Variants in NLRP9 observed in about 807,000 individuals in gnomAD.
NLRP9 encodes the protein NLR family pyrin domain containing 9.
In NLRP9, 88 loss-of-function variants were observed where a neutral mutation model predicts 83.1. The observed-to-expected ratio is 1.06, with a 90% CI of 0.89 to 1.26. The LOEUF is 1.26. NLRP9 is among the 50% of genes most tolerant of loss of function. The pLI, the probability that NLRP9 is intolerant of heterozygous loss-of-function variation, is 0.00. For synonymous variants in NLRP9, 521 were observed against 447.6 expected, an observed-to-expected ratio of 1.16 and a Z score of -2.07; for missense variants, 1,308 against 1,179.3, an observed-to-expected ratio of 1.11 and a Z score of -1.60.
At chr19:55,735,468 T>G (rs1988760857) in intron 1 of NLRP9, among the ~76,000 whole-genome samples, 1 of 151,970 alleles carries the variant, frequency 6.6e-6, no homozygotes, top group Admixed American at 6.6e-5. Context: ...AGAAAGGAAA[T>G]AAGGCCATTC....
chr19:55,734,409 G>A (rs947937312), intron 1 of NLRP9, among the ~76,000 whole-genome samples: 11 of 132,180 alleles, frequency 8.3e-5, no homozygotes, highest in Non-Finnish European at 1.3e-4. Flanking sequence ...TATATCAATT[G>A]TTTCTAAAAT....
rs866787898 is a variant in NLRP9 at position 55,734,400 on chromosome 19, A to G, written c.281-850T>C. On this transcript the variant is annotated intron_variant, in intron 1 of 8. Coordinates refer to ENST00000332836, the MANE Select transcript of NLRP9 (RefSeq NM_176820.4). Reference sequence around the variant, plus strand: ...AAAAAAAAAAAAAAAAAAAATTACTATATCAATTGTTTCTAAAATTGGTCT... The same window carrying G: ...AAAAAAAAAAAAAAAAAAAATTACTGTATCAATTGTTTCTAAAATTGGTCT... 1.4e-3 allele frequency among the ~76,000 whole-genome samples: 195 copies of G among 144,190 alleles called. 1 individual carries two copies. Among genetic ancestry groups the G allele is most frequent in the Middle Eastern group, 0.011 (3 of 278 alleles). 94.6% of individuals were successfully genotyped at this position (144,190 alleles called of 152,430 possible). A position where few individuals can be genotyped will look rare whatever the true frequency, so the allele number is the denominator to read the frequency against.
At chr19:55,724,981 C>T (rs1988355732) in intron 3 of NLRP9, among the ~76,000 whole-genome samples, 1 of 152,114 alleles carries the variant, frequency 6.6e-6, no homozygotes, top group Non-Finnish European at 1.5e-5. Flanking sequence ...ATCACTTGAA[C>T]CCAGGAGGCG....
intron 1 of NLRP9, among the ~76,000 whole-genome samples, chr19:55,734,337 C>G (rs888058786): frequency 6.2e-5 from 8 of 128,264 alleles, no homozygotes; most frequent in Non-Finnish European, 9.4e-5. Flanking sequence ...GCACTCAAGC[C>G]TGGGCAACAG....
chr19:55,724,052 C>A lies in NLRP9; in HGVS notation c.2087G>T (p.Ser696Ile). 1 of 1,613,818 alleles carries A rather than the reference C, an allele frequency of 6.2e-7. No homozygotes were observed. The highest frequency in any genetic ancestry group is 1.7e-5 in the Admixed American group (1 of 60,002). Residue 696 changes from serine to isoleucine, a missense_variant, in exon 4 of 9, where the codon AGC (serine) becomes ATC (isoleucine). Transcript: ENST00000332836. ...GTGTCTGATGTCAGACTGGGAGAGG[C>A]TAGTGCCGTACAGGCTCAGAAGTTT... ...HLKLLSLYGTSLSQSDIRHLC... is the reference protein window; with the variant it reads ...HLKLLSLYGTILSQSDIRHLC...
At chr19:55,714,437 C>T (rs376881319) in intron 6 of NLRP9, among the ~76,000 whole-genome samples, 1 of 152,138 alleles carries the variant, frequency 6.6e-6, no homozygotes, top group Non-Finnish European at 1.5e-5. Flanking sequence ...GTCACCTGCA[C>T]AAGCTCAGGC....
intron 4 of NLRP9, among the ~76,000 whole-genome samples, chr19:55,720,680 C>G (rs114048322): frequency 1.3e-3 from 204 of 152,196 alleles, no homozygotes; most frequent in African/African-American, 4.7e-3. Context: ...AAGACACATT[C>G]AGTTTTGATA....
rs372481705 is a variant in NLRP9, at chr19:55,716,714, G to T, written c.2330+14C>A. The T allele has an allele frequency of 6.2e-7, 1 of 1,609,278 alleles. No homozygotes were observed. The highest frequency in any genetic ancestry group is 1.7e-5 in the Admixed American group (1 of 59,964). ...TCAGAAATCTCCGAACGTGCTTCCC[G>T]CAGACCAACTTACATCAGCCTCTCC... is the stretch of plus-strand genomic sequence containing the variant. On this transcript the variant is annotated intron_variant, in intron 5 of 8. Coordinates refer to ENST00000332836, the MANE Select transcript of NLRP9 (RefSeq NM_176820.4).
At chr19:55,726,737 C>T (rs1988414551) in intron 3 of NLRP9, among the ~76,000 whole-genome samples, 1 of 152,148 alleles carries the variant, frequency 6.6e-6, no homozygotes, top group Non-Finnish European at 1.5e-5. Context: ...CTCCAATGTT[C>T]CCTAAACCCT....
chr19:55,711,085 C>CAAAAAAA (rs770121384), intron 8 of NLRP9, among the ~76,000 whole-genome samples: 5 of 112,390 alleles, frequency 4.4e-5, no homozygotes, highest in Admixed American at 8.4e-5. Context: ...GACTCTGCCT[C>CAAAAAAA]AAAAAAACAA....
intron 8 of NLRP9, chr19:55,711,237 G>T (rs190658219): frequency 4.8e-6 from 2 of 413,490 alleles, no homozygotes; most frequent in East Asian, 1.6e-4. Flanking sequence ...CCGCCCATTT[G>T]TTTTTTAAAA....
intron 1 of NLRP9, among the ~76,000 whole-genome samples, chr19:55,736,412 A>G (rs1019927396): frequency 6.6e-6 from 1 of 151,966 alleles, no homozygotes. Flanking sequence ...AAGTCATGTC[A>G]TGTCTTAGAG....
chr19:55,714,069 A>T (rs1015326152), intron 6 of NLRP9, among the ~76,000 whole-genome samples: 1 of 150,764 alleles, frequency 6.6e-6, no homozygotes, highest in Non-Finnish European at 1.5e-5. Flanking sequence ...TGTGTATCTG[A>T]CACTCCATCA....
intron 4 of NLRP9, among the ~76,000 whole-genome samples, chr19:55,720,506 G>GT (rs1456055069): frequency 1.3e-5 from 2 of 151,866 alleles, no homozygotes; most frequent in Admixed American, 6.6e-5. Context: ...TTTTTGTTTT[G>GT]TTTTTAGAGA....
chr19:55,727,178 G>A (rs1307911342), intron 3 of NLRP9, among the ~76,000 whole-genome samples: 2 of 152,268 alleles, frequency 1.3e-5, no homozygotes, highest in Middle Eastern at 3.4e-3. Flanking sequence ...CTTGAACCTG[G>A]GAGGCGGAGG....
intron 1 of NLRP9, among the ~76,000 whole-genome samples, chr19:55,736,199 G>C (rs1441036706): frequency 6.6e-6 from 1 of 151,762 alleles, no homozygotes. Context: ...AGACCATCCT[G>C]GCTAACACGG....
chr19:55,711,153 C>T lies in NLRP9; in HGVS notation c.2843+647G>A, dbSNP rs552187302. Among the ~76,000 whole-genome samples the T allele has an allele frequency of 8.9e-4, 135 of 151,224 alleles. 1 individual carries two copies. The highest frequency in any genetic ancestry group is 3.2e-3 in the African/African-American group (132 of 40,950). On this transcript the variant is annotated intron_variant, in intron 8 of 8. Transcript: ENST00000332836. ...ACATATTGTGAACTTTTCTTAGAGA[C>T]ACTAGCATAATGAATTCATGTACTC...
chr19:55,724,045 G>A lies in NLRP9; in HGVS notation c.2094C>T (p.Ser698=). The part of the protein sequence containing the change: ...KLLSLYGTSL[S]QSDIRHLCET... ...CACACAGGTGTCTGATGTCAGACTG[G>A]GAGAGGCTAGTGCCGTACAGGCTCA... The change falls in exon 4 of 9, where the codon TCC becomes TCT. Residue 698 remains serine (S), a synonymous_variant. Transcript: ENST00000332836. 1 of 1,613,800 alleles carries A rather than the reference G, an allele frequency of 6.2e-7. No homozygotes were observed. Among genetic ancestry groups the A allele is most frequent in the Non-Finnish European group, 8.5e-7 (1 of 1,179,686 alleles).
intron 8 of NLRP9, 69 bp downstream of exon 8, chr19:55,711,731 T>A: frequency 1.3e-6 from 2 of 1,496,280 alleles, no homozygotes; most frequent in African/African-American, 1.4e-5. Context: ...ATGTCGCGGT[T>A]GAGCAAATGG....
Sources: gnomAD v4.1 joint callset for allele counts (sites outside exome capture counted in the v4.1 genomes callset) on GRCh38, gnomAD v4.1.1 for gene constraint, MANE v1.5 for transcripts, NCBI Gene and HGNC (gene_info 2026-07-23, HGNC 2026-07-21) for gene names.